Variants in RORA observed in about 807,000 individuals in gnomAD.
The protein encoded by RORA is RAR related orphan receptor A.
In RORA, 7 loss-of-function variants were observed where a neutral mutation model predicts 69.5. The ratio of observed to expected loss-of-function variants is 0.10; its 90% CI spans 0.06 to 0.19. RORA has a LOEUF of 0.19. RORA is among the 10% of genes least tolerant of loss of function. The probability of loss-of-function intolerance (pLI) is 1.00; values close to 1 mark genes in which losing one functional copy is unlikely to be tolerated. For synonymous variants in RORA, 261 were observed against 240.8 expected (o/e 1.08, Z -0.78); for missense variants, 457 against 663.0 (o/e 0.69, Z 3.41).
intron 1 of RORA, among the ~76,000 whole-genome samples, chr15:61,028,226 A>G (rs1895933509): frequency 6.6e-6 from 1 of 152,176 alleles, no homozygotes; most frequent in African/African-American, 2.4e-5. Flanking sequence ...ATAAATATAT[A>G]AAATAAATGC....
chr15:60,560,182 T>C (rs1567087206), intron 2 of RORA, among the ~76,000 whole-genome samples: 1 of 152,254 alleles, frequency 6.6e-6, no homozygotes, highest in African/African-American at 2.4e-5. Context: ...AGGAGATTTA[T>C]GTTGAAAATT....
intron 2 of RORA, chr15:60,627,190 G>A (rs552837884): frequency 6.4e-7 from 1 of 1,553,984 alleles, no homozygotes; most frequent in Non-Finnish European, 8.9e-7. Context: ...TGGGGGGAGG[G>A]TACACAGTGA....
At chr15:61,218,513 T>C (rs1282598286) in intron 1 of RORA, among the ~76,000 whole-genome samples, 1 of 152,146 alleles carries the variant, frequency 6.6e-6, no homozygotes. Flanking sequence ...ATTTATTTTT[T>C]CTAATTACAA....
At chr15:60,547,416 C>T (rs564854040) in intron 2 of RORA, among the ~76,000 whole-genome samples, 12 of 151,820 alleles carry the variant, frequency 7.9e-5, no homozygotes, top group African/African-American at 2.7e-4. Flanking sequence ...CTCCACCTCC[C>T]CCAGGGTTCA....
At chr15:60,888,069 C>A (rs1017790949) in intron 1 of RORA, among the ~76,000 whole-genome samples, 2 of 152,228 alleles carry the variant, frequency 1.3e-5, no homozygotes, top group Non-Finnish European at 2.9e-5. Flanking sequence ...CCTTGCCCTG[C>A]TCCTCAACCT....
chr15:60,497,639 C>T lies in RORA; in HGVS notation c.1408-20G>A, dbSNP rs200874293. Reference sequence around the variant, plus strand: ...TATTAACTGTAAGTGAAAGAAAGGACACACCGTCAGGCAAGAACAGGCATA... The same window carrying T: ...TATTAACTGTAAGTGAAAGAAAGGATACACCGTCAGGCAAGAACAGGCATA... On this transcript the variant is annotated intron_variant, in intron 10 of 10. Transcript: ENST00000335670. The T allele has an allele frequency of 8.8e-6, 14 of 1,599,940 alleles. No individual in the cohort carries two copies. Among genetic ancestry groups the T allele is most frequent in the Non-Finnish European group, 1.1e-5 (13 of 1,167,316 alleles).
intron 1 of RORA, among the ~76,000 whole-genome samples, chr15:60,817,203 T>C (rs774309048): frequency 3.9e-5 from 6 of 152,234 alleles, no homozygotes; most frequent in Non-Finnish European, 8.8e-5. Flanking sequence ...GTTCGGTCTC[T>C]AGACCACGGC....
At chr15:61,197,127 T>C (rs1232222681) in intron 1 of RORA, among the ~76,000 whole-genome samples, 2 of 152,214 alleles carry the variant, frequency 1.3e-5, no homozygotes, top group Non-Finnish European at 2.9e-5. Context: ...ACCCGGGCCT[T>C]AGCCCCCTGT....
intron 1 of RORA, among the ~76,000 whole-genome samples, chr15:61,210,985 G>A (rs1403016017): frequency 6.6e-6 from 1 of 152,230 alleles, no homozygotes; most frequent in Non-Finnish European, 1.5e-5. Flanking sequence ...AACTCCCGAA[G>A]GTGGTTCTCA....
rs988559846 is a variant in RORA, at chr15:60,531,423, T to C, written c.282+343A>G. On this transcript the variant is annotated intron_variant, in intron 3 of 10. Transcript: ENST00000335670. The surrounding 1 kb of genome is among the most constrained non-coding windows in gnomAD (Gnocchi z 4.8). ...CAATTAAACTTACTGGAGATGTCTT[T>C]TTATAAGCTTATGACAGGGACATTG... The C allele has an allele frequency of 4.4e-5, 9 of 205,316 alleles. No individual in the cohort carries two copies. The East Asian group carries it at 1.4e-3, about 31-fold the overall frequency. The allele number at this position is 205,316 out of a possible 1,614,324, so 12.7% of individuals were successfully genotyped here. A position where few individuals can be genotyped will look rare whatever the true frequency, so the allele number is the denominator to read the frequency against.
At chr15:60,621,679 T>C (rs1281428957) in intron 2 of RORA, among the ~76,000 whole-genome samples, 1 of 152,186 alleles carries the variant, frequency 6.6e-6, no homozygotes, top group African/African-American at 2.4e-5. Context: ...AATGTTACAT[T>C]CCCTGATTAT....
At chr15:60,911,336 C>G (rs1274612617) in intron 1 of RORA, among the ~76,000 whole-genome samples, 1 of 152,084 alleles carries the variant, frequency 6.6e-6, no homozygotes, top group Non-Finnish European at 1.5e-5. Flanking sequence ...GACTAGTCTT[C>G]AACACACCTT....
At chr15:61,223,210 A>G (rs899334972) in intron 1 of RORA, among the ~76,000 whole-genome samples, 11 of 146,804 alleles carry the variant, frequency 7.5e-5, no homozygotes, top group African/African-American at 2.5e-4. Context: ...GTTCCCTGGG[A>G]GGCTGAGGCA....
chr15:60,526,477 C>G (rs976712116), intron 3 of RORA, among the ~76,000 whole-genome samples: 2 of 152,128 alleles, frequency 1.3e-5, no homozygotes, highest in African/African-American at 4.8e-5. Context: ...TGATTAAGAT[C>G]TAAACAAACA....
chr15:60,794,730 C>T (rs867511273), intron 1 of RORA, among the ~76,000 whole-genome samples: 1 of 152,218 alleles, frequency 6.6e-6, no homozygotes, highest in African/African-American at 2.4e-5. Context: ...AATAACAGTA[C>T]TTCTATTCTG....
chr15:60,990,781 T>C (rs1388267917), intron 1 of RORA, among the ~76,000 whole-genome samples: 1 of 152,176 alleles, frequency 6.6e-6, no homozygotes, highest in Non-Finnish European at 1.5e-5. Flanking sequence ...CTTGGACCAT[T>C]ATTTAATACA....
At chr15:61,207,888 T>TA (rs2079956262) in intron 1 of RORA, among the ~76,000 whole-genome samples, 1 of 152,248 alleles carries the variant, frequency 6.6e-6, no homozygotes, top group African/African-American at 2.4e-5. Flanking sequence ...ACATTCATAT[T>TA]AATCACATAG....
intron 3 of RORA, among the ~76,000 whole-genome samples, chr15:60,516,875 A>G (rs1005814455): frequency 3.3e-5 from 5 of 152,180 alleles, no homozygotes; most frequent in South Asian, 2.1e-4. Context: ...ATGGGATTCA[A>G]CCACTACAAA....
chr15:60,657,902 G>A (rs1209924388), intron 2 of RORA, among the ~76,000 whole-genome samples: 1 of 151,926 alleles, frequency 6.6e-6, no homozygotes, highest in African/African-American at 2.4e-5. Context: ...CTTCATCCAC[G>A]GTGACTTCCA....
Sources: allele counts gnomAD v4.1 joint callset (sites outside exome capture counted in the v4.1 genomes callset), GRCh38; gene constraint gnomAD v4.1.1; non-coding constraint Gnocchi (gnomAD v3.1); transcripts MANE v1.5; gene names NCBI Gene and HGNC (gene_info 2026-07-23, HGNC 2026-07-21).